Variants in PKNOX2 observed in about 807,000 individuals in gnomAD.
The protein encoded by PKNOX2 is PBX/knotted 1 homeobox 2, also known as homeobox protein PKNOX2.
Under a neutral mutation model 53.1 loss-of-function variants are expected in PKNOX2, and 14 were observed. That is an observed-to-expected ratio of 0.26 (90% CI 0.17 to 0.41). The LOEUF (loss-of-function observed/expected upper bound fraction) is 0.41. Ranked by LOEUF, PKNOX2 falls within the 10% of genes least tolerant of loss-of-function variation. The pLI is 1.00. For missense variants in PKNOX2, 496 were observed against 602.8 expected (o/e 0.82, Z 1.85); for synonymous variants, 257 against 242.8 (o/e 1.06, Z -0.54).
rs1021471462 is a variant in PKNOX2, at chr11:125,433,354, C to T, written c.*1962C>T. On this transcript the variant is annotated 3_prime_UTR_variant, in exon 13 of 13. Coordinates refer to ENST00000298282, the MANE Select transcript of PKNOX2 (RefSeq NM_001382323.2). ...CCACCAAACCAGTACTGAATGTGGC[C>T]GAGACGTTTTCAGTAAATCTTATTA... 3 of 152,654 alleles carry T rather than the reference C, an allele frequency of 2.0e-5. No individual in the cohort carries two copies. The highest frequency in any genetic ancestry group is 6.5e-5 in the Admixed American group (1 of 15,286). 9.5% of individuals were successfully genotyped at this position (152,654 alleles called of 1,614,324 possible).
chr11:125,338,387 C>T (rs930816836), intron 3 of PKNOX2, among the ~76,000 whole-genome samples: 2 of 152,148 alleles, frequency 1.3e-5, no homozygotes, highest in African/African-American at 4.8e-5. Flanking sequence ...CTGGAGACAG[C>T]CAGGCCCTAA....
chr11:125,280,605 C>T (rs1352027055), intron 2 of PKNOX2, among the ~76,000 whole-genome samples: 2 of 152,170 alleles, frequency 1.3e-5, no homozygotes, highest in Non-Finnish European at 2.9e-5. Flanking sequence ...CCAGGAAACC[C>T]TTACTGGGTT....
chr11:125,229,778 G>T (rs563791128), intron 1 of PKNOX2, among the ~76,000 whole-genome samples: 2 of 152,106 alleles, frequency 1.3e-5, no homozygotes, highest in Non-Finnish European at 2.9e-5. Context: ...ATGGGGCCAG[G>T]GGGGGCTTGC....
At chr11:125,429,942 C>CTCCACTT (rs747506198) in intron 11 of PKNOX2, 21 bp from the exon 12 acceptor site, 2 of 1,610,602 alleles carry the variant, frequency 1.2e-6, no homozygotes, top group Non-Finnish European at 1.7e-6. Context: ...CTAACCAGGT[C>CTCCACTT]TCCACTTTAC....
rs1301581114 is a variant in PKNOX2 at position 125,357,253 on chromosome 11, A to G, written c.87+5861A>G. On this transcript the variant is annotated intron_variant, in intron 4 of 12. Coordinates refer to ENST00000298282, the MANE Select transcript of PKNOX2 (RefSeq NM_001382323.2). Reference sequence around the variant, plus strand: ...GGCCACCCATGTCTTTAAGCTGAACATATCCCTGAACTCCAACTTACTCAA... The same window carrying G: ...GGCCACCCATGTCTTTAAGCTGAACGTATCCCTGAACTCCAACTTACTCAA... Among the ~76,000 whole-genome samples the G allele has an allele frequency of 2.0e-5, 3 of 152,192 alleles. No individual in the cohort carries two copies. In the East Asian group the frequency reaches 5.8e-4, roughly 30 times the overall value.
chr11:125,323,334 T>C (rs141793113), intron 2 of PKNOX2, among the ~76,000 whole-genome samples: 119 of 152,314 alleles, frequency 7.8e-4, no homozygotes, highest in East Asian at 6.2e-3. Context: ...AAATGCTTTT[T>C]ACCATGCCTT....
intron 2 of PKNOX2, among the ~76,000 whole-genome samples, chr11:125,267,983 A>G (rs1173048300): frequency 6.6e-6 from 1 of 152,238 alleles, no homozygotes; most frequent in Non-Finnish European, 1.5e-5. Flanking sequence ...ATGCCACAGT[A>G]TCTGACAACT....
chr11:125,316,082 T>C (rs1385006484), intron 2 of PKNOX2, among the ~76,000 whole-genome samples: 2 of 151,900 alleles, frequency 1.3e-5, no homozygotes, highest in Admixed American at 6.6e-5. Context: ...ACCCAGGGAG[T>C]GCAAAAGGCT....
chr11:125,342,381 G>A (rs1182490944), intron 3 of PKNOX2, among the ~76,000 whole-genome samples: 3 of 152,128 alleles, frequency 2.0e-5, no homozygotes, highest in East Asian at 1.9e-4. Context: ...CCCTGCTCCG[G>A]CCACCCTACT....
At chr11:125,303,332 A>G (rs1324227445) in intron 2 of PKNOX2, among the ~76,000 whole-genome samples, 1 of 152,214 alleles carries the variant, frequency 6.6e-6, no homozygotes, top group Non-Finnish European at 1.5e-5. Flanking sequence ...ACGGGGGTAC[A>G]GGCTGAGGAA....
rs765547188 is a variant in PKNOX2 at position 125,410,820 on chromosome 11, G to T, written c.760G>T (p.Gly254Cys). Residue 254 changes from glycine (G) to cysteine (C), a missense_variant, in exon 9 of 13, where the codon GGT (glycine) becomes TGT (cysteine). Physicochemically the swap from Gly to Cys is radical, Grantham distance 159 (BLOSUM62 -3). Coordinates refer to ENST00000298282, the MANE Select transcript of PKNOX2 (RefSeq NM_001382323.2). ...ACCGGTTACCATGGTAACCTCCCAG[G>T]GTCAGGTGGTCACCCAAGCAATCCC... ...YQPVTMVTSQ[G>C]QVVTQAIPQG... 1.2e-6 allele frequency: 2 copies of T among 1,614,070 alleles called. No individual in the cohort carries two copies. Among genetic ancestry groups the T allele is most frequent in the East Asian group, 4.5e-5 (2 of 44,870 alleles).
intron 1 of PKNOX2, among the ~76,000 whole-genome samples, chr11:125,178,696 G>A (rs654516): frequency 0.2 from 13,626 of 67,736 alleles, 2,562 homozygotes; most frequent in African/African-American, 0.4. Flanking sequence ...GAGAGAGAGA[G>A]AGAAAGAAAG....
intron 5 of PKNOX2, among the ~76,000 whole-genome samples, chr11:125,383,152 C>T (rs768422001): frequency 3.0e-4 from 46 of 152,136 alleles, no homozygotes; most frequent in Non-Finnish European, 1.5e-4. Context: ...GATGGGGGTA[C>T]GCACTTTGTC....
chr11:125,208,006 G>A (rs1939350096), intron 1 of PKNOX2, among the ~76,000 whole-genome samples: 1 of 152,108 alleles, frequency 6.6e-6, no homozygotes, highest in African/African-American at 2.4e-5. Flanking sequence ...TCTAATAGAG[G>A]AGATAGGACA....
At chr11:125,325,396 T>C (rs1949769116) in intron 2 of PKNOX2, among the ~76,000 whole-genome samples, 1 of 151,910 alleles carries the variant, frequency 6.6e-6, no homozygotes, top group East Asian at 1.9e-4. Context: ...CAGCCTGGAG[T>C]TCATGGCTAA....
chr11:125,365,076 C>T (rs1005059260), intron 4 of PKNOX2, among the ~76,000 whole-genome samples: 5 of 152,042 alleles, frequency 3.3e-5, no homozygotes, highest in Admixed American at 1.3e-4. Flanking sequence ...TTTGGCCCTT[C>T]GAGTCATACA....
At chr11:125,265,941 AC>A (rs1945304037) in intron 2 of PKNOX2, among the ~76,000 whole-genome samples, 1 of 151,960 alleles carries the variant, frequency 6.6e-6, no homozygotes, top group Non-Finnish European at 1.5e-5. Context: ...TGTGCATGAC[AC>A]CCGCCCATCA....
At chr11:125,369,269 C>T (rs1284973036) in intron 5 of PKNOX2, among the ~76,000 whole-genome samples, 1 of 152,222 alleles carries the variant, frequency 6.6e-6, no homozygotes, top group African/African-American at 2.4e-5. Flanking sequence ...AGCACCTGTG[C>T]CCTGCCCTGT....
chr11:125,340,965 G>A (rs887258331), intron 3 of PKNOX2, among the ~76,000 whole-genome samples: 14 of 148,848 alleles, frequency 9.4e-5, no homozygotes, highest in Non-Finnish European at 1.6e-4. Context: ...TGGGAGAATC[G>A]CTTGAACCCG....
Sources: allele counts gnomAD v4.1 joint callset (sites outside exome capture counted in the v4.1 genomes callset), GRCh38; gene constraint gnomAD v4.1.1; transcripts MANE v1.5; gene names NCBI Gene and HGNC (gene_info 2026-07-23, HGNC 2026-07-21).